The following SMOC1 variants were observed in gnomAD, a reference collection of about 807,000 sequenced individuals.
SMOC1 encodes SPARC-related modular calcium-binding protein 1.
A neutral mutation model predicts 56.3 loss-of-function variants in SMOC1; 22 were observed. The observed-to-expected ratio is 0.39, with a 90% confidence interval of 0.28 to 0.56. The LOEUF is 0.56. SMOC1 is among the 20% of genes least tolerant of loss of function. The pLI, the probability that SMOC1 is intolerant of heterozygous loss-of-function variation, is 0.61. For missense variants in SMOC1, 509 were observed against 565.4 expected, an observed-to-expected ratio of 0.90 and a Z score of 1.01; for synonymous variants, 193 against 215.0, an observed-to-expected ratio of 0.90 and a Z score of 0.89.
At chr14:70,003,140 C>G (rs891540717) in intron 7 of SMOC1, among the ~76,000 whole-genome samples, 1 of 152,184 alleles carries the variant, frequency 6.6e-6, no homozygotes, top group South Asian at 2.1e-4. Context: ...TTTCAACACA[C>G]AGTTTGATAT....
chr14:69,913,455 CGTGT>C (rs71448304), intron 1 of SMOC1, among the ~76,000 whole-genome samples: 1 of 150,786 alleles, frequency 6.6e-6, no homozygotes, highest in African/African-American at 2.4e-5. Context: ...AATGAATTGG[CGTGT>C]GTGTGTGTGT....
intron 7 of SMOC1, among the ~76,000 whole-genome samples, chr14:69,995,969 C>T (rs531095417): frequency 7.2e-5 from 11 of 152,104 alleles, no homozygotes; most frequent in South Asian, 6.3e-4. Flanking sequence ...TACCTGGTGC[C>T]GGAAGTAACA....
intron 3 of SMOC1, among the ~76,000 whole-genome samples, chr14:69,971,382 T>G (rs1256199726): frequency 6.6e-6 from 1 of 152,162 alleles, no homozygotes; most frequent in South Asian, 2.1e-4. Context: ...CTCACTTAGG[T>G]TGATGAGTAA....
intron 1 of SMOC1, chr14:69,885,486 C>T (rs1883775637): frequency 6.2e-7 from 1 of 1,600,158 alleles, no homozygotes; most frequent in Non-Finnish European, 8.5e-7. Flanking sequence ...ATAGCTTCCA[C>T]CAGCTTAGCC....
At chr14:69,926,321 A>T (rs1266479135) in intron 1 of SMOC1, among the ~76,000 whole-genome samples, 1 of 152,202 alleles carries the variant, frequency 6.6e-6, no homozygotes, top group Non-Finnish European at 1.5e-5. Flanking sequence ...AGCTGCCACC[A>T]GCTGGATTGG....
chr14:69,880,174 C>T (rs1452644384), intron 1 of SMOC1, among the ~76,000 whole-genome samples: 1 of 93,568 alleles, frequency 1.1e-5, no homozygotes, highest in East Asian at 3.0e-4. Flanking sequence ...TGGCAGGCGG[C>T]GGGGGTTGGG....
At chr14:69,908,355 C>CGT (rs1472068985) in intron 1 of SMOC1, among the ~76,000 whole-genome samples, 1 of 152,160 alleles carries the variant, frequency 6.6e-6, no homozygotes, top group Non-Finnish European at 1.5e-5. Context: ...ACTGAATCTG[C>CGT]GTGTGTGCTC....
intron 1 of SMOC1, among the ~76,000 whole-genome samples, chr14:69,930,137 G>C (rs1165630135): frequency 7.8e-6 from 1 of 128,676 alleles, no homozygotes; most frequent in African/African-American, 4.3e-5. Flanking sequence ...TCCCACCTCT[G>C]CCCTCACCCC....
At chr14:69,928,131 A>T (rs1885065679) in intron 1 of SMOC1, among the ~76,000 whole-genome samples, 1 of 152,220 alleles carries the variant, frequency 6.6e-6, no homozygotes. Context: ...GCCCAAGGCC[A>T]GGCCTGGAGG....
chr14:70,006,409 C>T (rs1174448830), intron 7 of SMOC1, among the ~76,000 whole-genome samples: 1 of 152,112 alleles, frequency 6.6e-6, no homozygotes, highest in Non-Finnish European at 1.5e-5. Flanking sequence ...AATTTGGGTC[C>T]TCAGATATGG....
chr14:70,024,438 GT>G (rs973379238), intron 11 of SMOC1, among the ~76,000 whole-genome samples: 14 of 152,012 alleles, frequency 9.2e-5, no homozygotes, highest in Admixed American at 3.3e-4. Flanking sequence ...AGAGCTGTAA[GT>G]TTTTTTTGAA....
intron 1 of SMOC1, among the ~76,000 whole-genome samples, chr14:69,919,921 C>CA (rs1491285242): frequency 1.8e-4 from 27 of 148,690 alleles, no homozygotes; most frequent in Admixed American, 9.3e-4. Context: ...CCCCCCCCCC[C>CA]CTTTCTCCCC....
chr14:69,905,406 G>T, intron 1 of SMOC1, among the ~76,000 whole-genome samples: 1 of 152,192 alleles, frequency 6.6e-6, no homozygotes, highest in East Asian at 1.9e-4. Flanking sequence ...GAGGGTAGCT[G>T]CAAAGGGAGG....
At chr14:69,972,695 G>T (rs1221800861) in intron 3 of SMOC1, among the ~76,000 whole-genome samples, 1 of 152,188 alleles carries the variant, frequency 6.6e-6, no homozygotes, top group Non-Finnish European at 1.5e-5. Flanking sequence ...GGCACACTCA[G>T]TGAGAATGTG....
intron 7 of SMOC1, 123 bp from the exon 8 acceptor site, chr14:70,010,631 G>A (rs1885300280): frequency 4.1e-6 from 4 of 986,894 alleles, no homozygotes; most frequent in Admixed American, 1.9e-5. Context: ...CATCAATGGG[G>A]CAGCTCATCA....
intron 1 of SMOC1, among the ~76,000 whole-genome samples, chr14:69,882,574 T>TG (rs1335528922): frequency 6.6e-6 from 1 of 152,194 alleles, no homozygotes; most frequent in Admixed American, 6.5e-5. Flanking sequence ...GCTGGGACGT[T>TG]GGTCAGGATT....
chr14:69,893,175 A>G (rs985293376), intron 1 of SMOC1, among the ~76,000 whole-genome samples: 1 of 152,178 alleles, frequency 6.6e-6, no homozygotes, highest in African/African-American at 2.4e-5. Flanking sequence ...TTTGATATAT[A>G]TATTTTTAAG....
intron 3 of SMOC1, among the ~76,000 whole-genome samples, chr14:69,972,184 G>A (rs923629362): frequency 1.3e-5 from 2 of 152,174 alleles, no homozygotes; most frequent in Non-Finnish European, 2.9e-5. Context: ...GTTAAGTGGC[G>A]GAGCTGGGAG....
chr14:69,924,006 T>G (rs559049407), intron 1 of SMOC1, among the ~76,000 whole-genome samples: 2 of 152,326 alleles, frequency 1.3e-5, no homozygotes, highest in East Asian at 1.9e-4. Context: ...GCAACTGAAC[T>G]GCACCAACCA....
Sources: allele counts gnomAD v4.1 joint callset (sites outside exome capture counted in the v4.1 genomes callset), GRCh38; gene constraint gnomAD v4.1.1; transcripts MANE v1.5; gene names NCBI Gene and HGNC (gene_info 2026-07-23, HGNC 2026-07-21).